The following FCRL1 variants were observed in gnomAD, a reference collection of about 807,000 sequenced individuals.
The protein encoded by FCRL1 is Fc receptor like 1.
In FCRL1, 34 loss-of-function variants were observed where a neutral mutation model predicts 49.2. The ratio of observed to expected loss-of-function variants is 0.69; its 90% CI spans 0.53 to 0.92. The LOEUF is 0.92. Ranked by LOEUF, FCRL1 falls within the 40% of genes least tolerant of loss-of-function variation. The pLI is 0.00. For missense variants in FCRL1, 524 were observed against 524.1 expected (o/e 1.00, Z 0.00); for synonymous variants, 218 against 201.6 (o/e 1.08, Z -0.69).
chr1:157,800,159 C>CT, intron 6 of FCRL1, 74 bp from the exon 7 acceptor site: 1 of 1,466,670 alleles, frequency 6.8e-7, no homozygotes, highest in Non-Finnish European at 9.5e-7. Context: ...GTTTTCATAC[C>CT]CCCTGCACAG....
intron 2 of FCRL1, 166 bp from the exon 3 acceptor site, chr1:157,804,277 T>C (rs1571368518): frequency 1.4e-6 from 1 of 735,560 alleles, no homozygotes; most frequent in East Asian, 2.7e-5. Context: ...GGGCTTTCCT[T>C]TGCCATGAAC....
rs532508942 is a variant in FCRL1 at position 157,801,801 on chromosome 1, C to T, written c.886+114G>A. 17 of 1,292,322 alleles carry T rather than the reference C, an allele frequency of 1.3e-5. No homozygotes were observed. In the South Asian group the frequency reaches 2.1e-4, roughly 16 times the overall value. 80.1% of individuals were successfully genotyped at this position (1,292,322 alleles called of 1,614,324 possible). ...ACATCACTCATGACAGCACCTCACA[C>T]AGAGGCCCCACCATGGGTAGCAAAC... On this transcript the variant is annotated intron_variant, in intron 5 of 10. Coordinates refer to ENST00000368176, the MANE Select transcript of FCRL1 (RefSeq NM_052938.5).
At position 157,797,931 on chromosome 1, in the gene FCRL1, C is replaced by G; in HGVS notation, c.1123G>C (p.Val375Leu). The G allele has an allele frequency of 3.1e-6, 5 of 1,614,180 alleles. No individual in the cohort carries two copies. Among genetic ancestry groups the G allele is most frequent in the East Asian group, 4.5e-5 (2 of 44,882 alleles). The change falls in exon 9 of 11, where the codon GTA becomes CTA. Residue 375 changes from valine (V) to leucine (L), a missense_variant. Val to Leu is a conservative substitution (Grantham distance 32). Transcript: ENST00000368176. ...LQPIYENVNV[V>L]SGDEVYSLAY... ...AGTGAATAAACCTCATCCCCACTTACAACATTCACTGCAAGAGAAGGAGGG... is the reference window on the plus strand; with the variant it reads ...AGTGAATAAACCTCATCCCCACTTAGAACATTCACTGCAAGAGAAGGAGGG...
At chr1:157,799,184 A>G (rs1260375464) in intron 7 of FCRL1, among the ~76,000 whole-genome samples, 1 of 152,018 alleles carries the variant, frequency 6.6e-6, no homozygotes, top group Non-Finnish European at 1.5e-5. Flanking sequence ...GTATTTTGGT[A>G]CAGACAGGGT....
chr1:157,812,253 G>A (rs1654431240), intron 1 of FCRL1, among the ~76,000 whole-genome samples: 2 of 152,112 alleles, frequency 1.3e-5, no homozygotes, highest in Admixed American at 1.3e-4. Context: ...CCATTTCCTT[G>A]GTGTGATGGT....
At chr1:157,796,229 C>A in intron 10 of FCRL1, 59 bp from the exon 11 acceptor site, 1 of 1,384,438 alleles carries the variant, frequency 7.2e-7, no homozygotes, top group South Asian at 1.2e-5. Flanking sequence ...CTCCACTGGT[C>A]CCCTTCCCCA....
chr1:157,802,199 G>A lies in FCRL1; in HGVS notation c.608-6C>T, dbSNP rs768626699. The A allele has an allele frequency of 3.2e-5, 51 of 1,610,754 alleles. No individual in the cohort carries two copies. The highest frequency in any genetic ancestry group is 4.0e-5 in the African/African-American group (3 of 74,868). On this transcript the variant is annotated splice_region_variant and splice_polypyrimidine_tract_variant and intron_variant, in intron 4 of 10. Transcript: ENST00000368176. ...GATTGGGCGAGACACCGGGACTGAG[G>A]GAGACAGTAGACTGTAAGAGACAGT...
At chr1:157,805,901 A>C (rs1653363564) in intron 2 of FCRL1, among the ~76,000 whole-genome samples, 1 of 151,028 alleles carries the variant, frequency 6.6e-6, no homozygotes, top group Non-Finnish European at 1.5e-5. Context: ...GTCTCAAAAA[A>C]GAAAGGCATT....
At chr1:157,798,627 G>T (rs1402379671) in intron 7 of FCRL1, among the ~76,000 whole-genome samples, 5 of 151,878 alleles carry the variant, frequency 3.3e-5, no homozygotes, top group Non-Finnish European at 7.4e-5. Context: ...CTTCATGTGC[G>T]GGTACCAGTG....
At chr1:157,811,044 G>A (rs1654251250) in intron 1 of FCRL1, among the ~76,000 whole-genome samples, 1 of 152,134 alleles carries the variant, frequency 6.6e-6, no homozygotes, top group African/African-American at 2.4e-5. Flanking sequence ...ACCTCCCAAA[G>A]TGCTGAGATT....
intron 7 of FCRL1, among the ~76,000 whole-genome samples, chr1:157,799,731 T>C (rs1435274720): frequency 1.3e-5 from 2 of 152,044 alleles, no homozygotes; most frequent in African/African-American, 2.4e-5. Flanking sequence ...ACATGGCACA[T>C]GTATACATAT....
chr1:157,804,160 G>A, intron 2 of FCRL1, 49 bp from the exon 3 acceptor site: 2 of 1,593,356 alleles, frequency 1.3e-6, no homozygotes, highest in South Asian at 1.1e-5. Flanking sequence ...CGGAATTTCT[G>A]GTAAGAGGCA....
chr1:157,817,027 A>T (rs113949071), intron 1 of FCRL1, among the ~76,000 whole-genome samples: 7 of 152,168 alleles, frequency 4.6e-5, no homozygotes, highest in African/African-American at 1.7e-4. Flanking sequence ...AAATTGAAAG[A>T]TATCACATGT....
rs766684065 is a variant in FCRL1 at position 157,820,066 on chromosome 1, G to T, written c.-29C>A. On this transcript the variant is annotated 5_prime_UTR_variant, in exon 1 of 11. Transcript: ENST00000368176. ...GACCAGGTCAGGGATGGTACCTAGA[G>T]ATGCCTCTCATCAAAAAAAGAATGC... 1.2e-6 allele frequency: 2 copies of T among 1,613,960 alleles called. No homozygotes were observed. The highest frequency in any genetic ancestry group is 1.7e-6 in the Non-Finnish European group (2 of 1,179,874).
chr1:157,805,500 A>G (rs1161188947), intron 2 of FCRL1, among the ~76,000 whole-genome samples: 1 of 152,194 alleles, frequency 6.6e-6, no homozygotes, highest in Non-Finnish European at 1.5e-5. Context: ...CTTTGTCCTG[A>G]GGCATGGAAT....
Position 157,803,825 on chromosome 1 carries a change from C to T in FCRL1, c.319+20G>A, listed in dbSNP as rs1403472404. On this transcript the variant is annotated intron_variant, in intron 3 of 10. Coordinates refer to ENST00000368176, the MANE Select transcript of FCRL1 (RefSeq NM_052938.5). ...GCCCTTCTCAGCCTATCCTGGCAGACTGACCCCACTGACACTCACTGTGCA... is the reference window on the plus strand; with the variant it reads ...GCCCTTCTCAGCCTATCCTGGCAGATTGACCCCACTGACACTCACTGTGCA... The T allele has an allele frequency of 1.9e-6, 3 of 1,609,088 alleles. No individual in the cohort carries two copies. The highest frequency in any genetic ancestry group is 2.5e-6 in the Non-Finnish European group (3 of 1,176,482).
chr1:157,812,205 C>G (rs765872350), intron 1 of FCRL1, among the ~76,000 whole-genome samples: 1 of 152,208 alleles, frequency 6.6e-6, no homozygotes, highest in South Asian at 2.1e-4. Context: ...CTGCCTGAAT[C>G]TGGACTAGCC....
chr1:157,818,265 A>G (rs940386496), intron 1 of FCRL1, among the ~76,000 whole-genome samples: 4 of 152,190 alleles, frequency 2.6e-5, no homozygotes, highest in Admixed American at 6.5e-5. Flanking sequence ...ATGTTCATCA[A>G]AAAATTAATG....
chr1:157,815,309 C>T (rs1654876497), intron 1 of FCRL1, among the ~76,000 whole-genome samples: 1 of 151,842 alleles, frequency 6.6e-6, no homozygotes, highest in Non-Finnish European at 1.5e-5. Flanking sequence ...ACTTCAGAAA[C>T]TTCACAAATA....
Sources: allele counts gnomAD v4.1 joint callset (sites outside exome capture counted in the v4.1 genomes callset), GRCh38; gene constraint gnomAD v4.1.1; transcripts MANE v1.5; gene names NCBI Gene and HGNC (gene_info 2026-07-23, HGNC 2026-07-21).